The following SLC2A13 variants were observed in gnomAD, a reference collection of about 807,000 sequenced individuals.
SLC2A13 encodes solute carrier family 2 member 13.
In SLC2A13, 32 loss-of-function variants were observed where a neutral mutation model predicts 64.4. That is an observed-to-expected ratio of 0.50 (90% CI 0.37 to 0.67). The LOEUF (loss-of-function observed/expected upper bound fraction) is 0.67, where lower values mean the gene tolerates loss of function less well. Ranked by LOEUF, SLC2A13 falls within the 30% of genes least tolerant of loss-of-function variation. SLC2A13 has a pLI of 0.00. For synonymous variants in SLC2A13, 338 were observed against 327.1 expected, an observed-to-expected ratio of 1.03 and a Z score of -0.36; for missense variants, 743 against 829.2, an observed-to-expected ratio of 0.90 and a Z score of 1.28.
chr12:39,889,995 G>T (rs1001749364), intron 4 of SLC2A13, among the ~76,000 whole-genome samples: 13 of 151,950 alleles, frequency 8.6e-5, no homozygotes, highest in Admixed American at 7.9e-4. Flanking sequence ...CTTCTACATA[G>T]TAGTCTTAAG....
At chr12:39,799,425 T>C (rs534225720) in intron 7 of SLC2A13, among the ~76,000 whole-genome samples, 6 of 144,554 alleles carry the variant, frequency 4.2e-5, no homozygotes, top group African/African-American at 1.5e-4. Context: ...TGTTCTTTAA[T>C]CTCAACCATT....
intron 3 of SLC2A13, among the ~76,000 whole-genome samples, chr12:39,993,477 G>A (rs1195068551): frequency 1.3e-5 from 2 of 152,222 alleles, no homozygotes; most frequent in African/African-American, 4.8e-5. Context: ...TTCCATGTGT[G>A]AGCCAGTTGC....
chr12:40,026,186 C>T (rs751209894), intron 3 of SLC2A13, among the ~76,000 whole-genome samples: 5 of 152,190 alleles, frequency 3.3e-5, no homozygotes, highest in African/African-American at 4.8e-5. Context: ...GATGATATTA[C>T]TTCAAATAAT....
chr12:39,768,978 C>G (rs1187257511), intron 7 of SLC2A13, among the ~76,000 whole-genome samples: 1 of 152,020 alleles, frequency 6.6e-6, no homozygotes, highest in Non-Finnish European at 1.5e-5. Context: ...TCCATTCTTC[C>G]TCTATTTTTG....
chr12:39,892,277 C>T (rs1944632830), intron 4 of SLC2A13, among the ~76,000 whole-genome samples: 1 of 152,202 alleles, frequency 6.6e-6, no homozygotes, highest in African/African-American at 2.4e-5. Context: ...GGCAAGGCCA[C>T]CTTTCCTCAC....
At chr12:39,870,865 A>T (rs1403592100) in intron 5 of SLC2A13, among the ~76,000 whole-genome samples, 2 of 152,180 alleles carry the variant, frequency 1.3e-5, no homozygotes, top group Non-Finnish European at 2.9e-5. Flanking sequence ...CTGGGTTTGG[A>T]ACTTAGAATG....
chr12:40,023,434 G>A (rs1240880405), intron 3 of SLC2A13, among the ~76,000 whole-genome samples: 1 of 152,126 alleles, frequency 6.6e-6, no homozygotes, highest in Admixed American at 6.5e-5. Flanking sequence ...TCTCCTCTCA[G>A]GGTACACTTG....
intron 4 of SLC2A13, among the ~76,000 whole-genome samples, chr12:39,897,769 T>C (rs1368543939): frequency 3.3e-5 from 5 of 152,186 alleles, no homozygotes; most frequent in Non-Finnish European, 7.4e-5. Context: ...TAAAAAATCA[T>C]TTTCCTTCAT....
intron 1 of SLC2A13, among the ~76,000 whole-genome samples, chr12:40,078,928 T>A (rs889009719): frequency 6.6e-6 from 1 of 152,194 alleles, no homozygotes; most frequent in Admixed American, 6.5e-5. Flanking sequence ...ATAGAGGTAT[T>A]CGTAATAGTT....
chr12:39,996,627 T>C (rs1389824469), intron 3 of SLC2A13, among the ~76,000 whole-genome samples: 1 of 152,162 alleles, frequency 6.6e-6, no homozygotes, highest in East Asian at 1.9e-4. Flanking sequence ...AGCCACTTGG[T>C]GCCCTGTATT....
At chr12:40,033,014 T>C (rs1947927036) in intron 2 of SLC2A13, among the ~76,000 whole-genome samples, 1 of 152,238 alleles carries the variant, frequency 6.6e-6, no homozygotes, top group Admixed American at 6.5e-5. Context: ...ACAGCTAATG[T>C]GTAGCACCAG....
intron 1 of SLC2A13, among the ~76,000 whole-genome samples, chr12:40,092,852 C>T (rs1289708755): frequency 6.6e-6 from 1 of 152,198 alleles, no homozygotes; most frequent in African/African-American, 2.4e-5. Context: ...ACTCCAATGC[C>T]TTTCCACTCC....
At chr12:39,904,797 C>G (rs1197896251) in intron 4 of SLC2A13, among the ~76,000 whole-genome samples, 1 of 152,098 alleles carries the variant, frequency 6.6e-6, no homozygotes, top group Non-Finnish European at 1.5e-5. Context: ...CATGCTACTT[C>G]TTTAGTGCAT....
intron 3 of SLC2A13, among the ~76,000 whole-genome samples, chr12:39,962,932 A>C (rs1946440442): frequency 6.6e-6 from 1 of 152,218 alleles, no homozygotes; most frequent in Non-Finnish European, 1.5e-5. Context: ...TCAACTACTG[A>C]TGCTATGATT....
intron 7 of SLC2A13, among the ~76,000 whole-genome samples, chr12:39,772,457 G>A (rs1940618105): frequency 6.6e-6 from 1 of 151,950 alleles, no homozygotes; most frequent in Non-Finnish European, 1.5e-5. Flanking sequence ...ACCCTATGTA[G>A]AGATAAATGT....
At chr12:40,014,220 C>G (rs1947580673) in intron 3 of SLC2A13, among the ~76,000 whole-genome samples, 1 of 152,180 alleles carries the variant, frequency 6.6e-6, no homozygotes, top group Non-Finnish European at 1.5e-5. Flanking sequence ...GTAAACAAAA[C>G]TCACCCAACT....
At position 39,994,341 on chromosome 12, in the gene SLC2A13, C is replaced by T. The variant is rs187675691; in HGVS notation, c.925+33960G>A. ...GAGCTTGCAGTGAGCCGAGATTGTG[C>T]CACTGTACCCCAGCCTGGGCAACAG... On this transcript the variant is annotated intron_variant, in intron 3 of 9. Transcript: ENST00000280871. 4.0e-3 allele frequency among the ~76,000 whole-genome samples: 602 copies of T among 151,036 alleles called. 1 individual carries two copies. Among genetic ancestry groups the T allele is most frequent in the Non-Finnish European group, 6.5e-3 (439 of 67,794 alleles).
At chr12:39,977,629 A>C (rs28370733) in intron 3 of SLC2A13, among the ~76,000 whole-genome samples, 1 of 152,232 alleles carries the variant, frequency 6.6e-6, no homozygotes, top group African/African-American at 2.4e-5. Flanking sequence ...ACAGCTCAAA[A>C]TATAACTGAA....
chr12:39,829,060 A>G (rs1362697906), intron 7 of SLC2A13, among the ~76,000 whole-genome samples: 1 of 151,640 alleles, frequency 6.6e-6, no homozygotes, highest in African/African-American at 2.4e-5. Context: ...TGCCTTTATC[A>G]GTACTATGAG....
Sources: allele counts gnomAD v4.1 joint callset (sites outside exome capture counted in the v4.1 genomes callset), GRCh38; gene constraint gnomAD v4.1.1; transcripts MANE v1.5; gene names NCBI Gene and HGNC (gene_info 2026-07-23, HGNC 2026-07-21).